LRFN2: variants seen among roughly 807,000 people sequenced by gnomAD.
LRFN2 encodes leucine rich repeat and fibronectin type III domain containing 2.
In LRFN2, 18 loss-of-function variants were observed where a neutral mutation model predicts 37.3. The observed-to-expected ratio is 0.48, with a 90% confidence interval of 0.33 to 0.72. The LOEUF (loss-of-function observed/expected upper bound fraction) is 0.72. LRFN2 is among the 30% of genes least tolerant of loss of function. The pLI is 0.02. For missense variants in LRFN2, 1,006 were observed against 1,060.7 expected, an observed-to-expected ratio of 0.95 and a Z score of 0.72; for synonymous variants, 556 against 466.6, an observed-to-expected ratio of 1.19 and a Z score of -2.47.
Position 40,431,992 on chromosome 6 carries a change from G to A in LRFN2, c.1122C>T (p.Val374=). Residue 374 remains valine, a synonymous_variant, in exon 2 of 3, where the codon GTC becomes GTT. Coordinates refer to ENST00000338305, the MANE Select transcript of LRFN2 (RefSeq NM_020737.3). The part of the protein sequence containing the change: ...AAGEATAMVE[V]SIVQLPHLSN... ...TGAGGTGTGGCAGCTGGACGATGGA[G>A]ACCTCCACCATGGCCGTGGCCTCTC... 6.2e-7 allele frequency: 1 copy of A among 1,613,680 alleles called. No individual in the cohort carries two copies. Among genetic ancestry groups the A allele is most frequent in the Non-Finnish European group, 8.5e-7 (1 of 1,180,030 alleles).
At chr6:40,424,822 A>T (rs1489269109) in intron 2 of LRFN2, among the ~76,000 whole-genome samples, 2 of 152,110 alleles carry the variant, frequency 1.3e-5, no homozygotes, top group African/African-American at 4.8e-5. Flanking sequence ...TTTAGAGAAC[A>T]CCTGTCCCTA....
intron 1 of LRFN2, among the ~76,000 whole-genome samples, chr6:40,586,551 T>G (rs1222519203): frequency 1.3e-5 from 2 of 151,480 alleles, no homozygotes; most frequent in Non-Finnish European, 2.9e-5. Flanking sequence ...CCCCCAGCAA[T>G]GGCTCTAGCC....
intron 1 of LRFN2, among the ~76,000 whole-genome samples, chr6:40,504,831 G>A (rs1401871014): frequency 1.3e-5 from 2 of 152,172 alleles, no homozygotes; most frequent in African/African-American, 2.4e-5. Flanking sequence ...ATGTGTGTGC[G>A]AGTTACAATG....
chr6:40,447,979 T>C (rs1764010363), intron 1 of LRFN2, among the ~76,000 whole-genome samples: 1 of 152,180 alleles, frequency 6.6e-6, no homozygotes, highest in Non-Finnish European at 1.5e-5. Context: ...TATTAACTGA[T>C]AATTAACCAA....
At chr6:40,578,464 T>C (rs1355629053) in intron 1 of LRFN2, among the ~76,000 whole-genome samples, 1 of 152,200 alleles carries the variant, frequency 6.6e-6, no homozygotes, top group East Asian at 1.9e-4. Flanking sequence ...TCAGTTCCCC[T>C]TTATGCAAAG....
intron 1 of LRFN2, among the ~76,000 whole-genome samples, chr6:40,544,596 T>C (rs564662483): frequency 2.0e-5 from 3 of 152,188 alleles, no homozygotes; most frequent in Non-Finnish European, 4.4e-5. Flanking sequence ...GAAAGGTCTA[T>C]GAAGTAATTT....
At chr6:40,425,333 GC>G (rs1763326892) in intron 2 of LRFN2, among the ~76,000 whole-genome samples, 1 of 152,220 alleles carries the variant, frequency 6.6e-6, no homozygotes, top group Non-Finnish European at 1.5e-5. Context: ...TTAGGAGCAT[GC>G]CTGCTCTTCC....
intron 1 of LRFN2, among the ~76,000 whole-genome samples, chr6:40,486,560 A>G (rs77955998): frequency 0.029 from 4,379 of 152,276 alleles, 111 homozygotes; most frequent in East Asian, 0.098. Context: ...GTAGAGGGTC[A>G]GAGAACTTGC....
intron 1 of LRFN2, among the ~76,000 whole-genome samples, chr6:40,512,326 G>A (rs1765734090): frequency 6.6e-6 from 1 of 152,150 alleles, no homozygotes; most frequent in Non-Finnish European, 1.5e-5. Flanking sequence ...ATTCTAAGAT[G>A]TTTATTTTAA....
intron 1 of LRFN2, among the ~76,000 whole-genome samples, chr6:40,532,119 C>T (rs142701392): frequency 1.2e-3 from 182 of 152,362 alleles, no homozygotes; most frequent in South Asian, 3.5e-3. Flanking sequence ...CTGCACAGCA[C>T]ACAGCTGCAG....
chr6:40,574,392 C>T (rs1175061003), intron 1 of LRFN2, among the ~76,000 whole-genome samples: 1 of 152,170 alleles, frequency 6.6e-6, no homozygotes, highest in Non-Finnish European at 1.5e-5. Flanking sequence ...GTCTGACTCC[C>T]AGGCCTGACT....
chr6:40,474,461 C>T (rs908505887), intron 1 of LRFN2, among the ~76,000 whole-genome samples: 22 of 152,002 alleles, frequency 1.4e-4, no homozygotes, highest in African/African-American at 5.1e-4. Flanking sequence ...GGATTTAGGG[C>T]CTACTTTAAT....
chr6:40,537,477 A>G (rs967385666), intron 1 of LRFN2, among the ~76,000 whole-genome samples: 3 of 152,102 alleles, frequency 2.0e-5, no homozygotes, highest in South Asian at 4.1e-4. Flanking sequence ...TTCCAAGAAG[A>G]AGTATCAGGG....
chr6:40,582,990 C>T (rs1767432083), intron 1 of LRFN2, among the ~76,000 whole-genome samples: 1 of 152,084 alleles, frequency 6.6e-6, no homozygotes, highest in South Asian at 2.1e-4. Context: ...GGATCTGTCT[C>T]CCTCACTATC....
rs576304378 is a variant in LRFN2 at position 40,448,393 on chromosome 6, C to T, written c.-18-15262G>A. On this transcript the variant is annotated intron_variant, in intron 1 of 2. Transcript: ENST00000338305. The stretch of plus-strand genomic sequence containing the variant: ...TATTTTGAGAATCAGGAGATCAGGG[C>T]GAGCCTGAGGCCAAAAGAGACTCAC... Among the ~76,000 whole-genome samples the T allele has an allele frequency of 6.7e-4, 102 of 152,100 alleles. 1 individual carries two copies. Among genetic ancestry groups the T allele is most frequent in the African/African-American group, 2.3e-3 (96 of 41,468 alleles).
intron 1 of LRFN2, among the ~76,000 whole-genome samples, chr6:40,451,223 C>T (rs1764097419): frequency 6.6e-6 from 1 of 152,190 alleles, no homozygotes; most frequent in South Asian, 2.1e-4. Context: ...AGAGTGCCCA[C>T]AGCTTTCATT....
rs74715871 is a variant in LRFN2, at chr6:40,460,881, G to A, written c.-18-27750C>T. Among the ~76,000 whole-genome samples the A allele has an allele frequency of 8.4e-3, 1,279 of 152,282 alleles. 17 individuals carry two copies. Among genetic ancestry groups the A allele is most frequent in the East Asian group, 0.051 (266 of 5,178 alleles). ...TTGGCCAAGTGCTGGAGAGATAAGCGCAGAGAATATATGCTTGTTCCCTAT... is the reference window on the plus strand; with the variant it reads ...TTGGCCAAGTGCTGGAGAGATAAGCACAGAGAATATATGCTTGTTCCCTAT... On this transcript the variant is annotated intron_variant, in intron 1 of 2. Transcript: ENST00000338305.
At chr6:40,485,597 C>G (rs1269210164) in intron 1 of LRFN2, among the ~76,000 whole-genome samples, 1 of 152,206 alleles carries the variant, frequency 6.6e-6, no homozygotes, top group African/African-American at 2.4e-5. Context: ...CTGAAATGCC[C>G]TCTCATAGAG....
chr6:40,454,919 A>G (rs1764201744), intron 1 of LRFN2, among the ~76,000 whole-genome samples: 2 of 152,182 alleles, frequency 1.3e-5, no homozygotes, highest in African/African-American at 4.8e-5. Flanking sequence ...ACACACACAT[A>G]AGCACATCTA....
Sources: allele counts gnomAD v4.1 joint callset (sites outside exome capture counted in the v4.1 genomes callset), GRCh38; gene constraint gnomAD v4.1.1; transcripts MANE v1.5; gene names NCBI Gene and HGNC (gene_info 2026-07-23, HGNC 2026-07-21).